OR1J2: variants seen among roughly 807,000 people sequenced by gnomAD.
The protein encoded by OR1J2 is olfactory receptor family 1 subfamily J member 2, also known as olfactory receptor 1J2.
For missense variants in OR1J2, 304 were observed against 246.1 expected, an observed-to-expected ratio of 1.24 and a Z score of -1.57; for synonymous variants, 142 against 99.7, an observed-to-expected ratio of 1.42 and a Z score of -2.52.
upstream of OR1J2, among the ~76,000 whole-genome samples, chr9:122,510,571 TGGTTTGCTGTA>T (rs1054666978): frequency 8.5e-5 from 13 of 152,050 alleles, no homozygotes; most frequent in African/African-American, 3.1e-4. Flanking sequence ...TGTGCCATGG[TGGTTTGCTGTA>T]CCTATCATCC....
chr9:122,568,261 A>G, the OR1J2 span: 1 of 1,614,104 alleles, frequency 6.2e-7, no homozygotes, highest in African/African-American at 1.3e-5. Context: ...GTTGTAAAGC[A>G]AATATCAGTG....
At chr9:122,460,658 G>A in the OR1J2 span, among the ~76,000 whole-genome samples, 1 of 152,062 alleles carries the variant, frequency 6.6e-6, no homozygotes, top group Non-Finnish European at 1.5e-5. Flanking sequence ...GAATGATGGT[G>A]TTATTTTAAT....
At chr9:122,448,240 C>T in the OR1J2 span, among the ~76,000 whole-genome samples, 39 of 152,212 alleles carry the variant, frequency 2.6e-4, no homozygotes, top group African/African-American at 8.7e-4. Context: ...AGGTACTATG[C>T]GTGGATATAC....
chr9:122,465,561 C>G, the OR1J2 span, among the ~76,000 whole-genome samples: 2 of 152,128 alleles, frequency 1.3e-5, no homozygotes, highest in African/African-American at 4.8e-5. Context: ...TTTGAGCTCC[C>G]CAAACTTGTT....
chr9:122,556,813 C>T, the OR1J2 span, among the ~76,000 whole-genome samples: 2 of 152,120 alleles, frequency 1.3e-5, no homozygotes, highest in Non-Finnish European at 2.9e-5. Context: ...TTGATTGAGG[C>T]TATGTTGAAT....
the OR1J2 span, among the ~76,000 whole-genome samples, chr9:122,463,006 C>T: frequency 5.9e-5 from 9 of 152,174 alleles, no homozygotes; most frequent in African/African-American, 1.9e-4. Context: ...CAATTATTCT[C>T]TCAAATATAT....
the OR1J2 span, among the ~76,000 whole-genome samples, chr9:122,579,029 T>TA: frequency 0.027 from 3,994 of 150,632 alleles, 124 homozygotes; most frequent in African/African-American, 0.072. Flanking sequence ...CCCAAAAACC[T>TA]ACTGAAATTA....
chr9:122,564,798 T>C, the OR1J2 span, among the ~76,000 whole-genome samples: 1 of 152,202 alleles, frequency 6.6e-6, no homozygotes, highest in African/African-American at 2.4e-5. Context: ...CAGCTTGCTT[T>C]CAGCTGGCAG....
chr9:122,567,835 T>C, the OR1J2 span: 1 of 1,614,078 alleles, frequency 6.2e-7, no homozygotes, highest in South Asian at 1.1e-5. Context: ...GAGAAAGCAA[T>C]GCAGAGAAAA....
At chr9:122,457,935 T>A in the OR1J2 span, among the ~76,000 whole-genome samples, 5 of 152,344 alleles carry the variant, frequency 3.3e-5, no homozygotes, top group African/African-American at 9.6e-5. Flanking sequence ...CATACATTTT[T>A]AATTTTTCTT....
chr9:122,523,201 G>T, the OR1J2 span, among the ~76,000 whole-genome samples: 1 of 152,190 alleles, frequency 6.6e-6, no homozygotes, highest in Admixed American at 6.5e-5. Flanking sequence ...GACAGAGTGG[G>T]CCAGGGCACT....
the OR1J2 span, among the ~76,000 whole-genome samples, chr9:122,544,273 T>C: frequency 6.6e-6 from 1 of 152,030 alleles, no homozygotes; most frequent in African/African-American, 2.4e-5. Context: ...GTTGTTGATA[T>C]TGATTTCGTT....
chr9:122,449,739 A>C, the OR1J2 span, among the ~76,000 whole-genome samples: 3 of 152,162 alleles, frequency 2.0e-5, no homozygotes. Context: ...ATTGCTGGTT[A>C]TCCAGTTACT....
chr9:122,511,690 A>G lies in OR1J2; in HGVS notation c.889A>G (p.Met297Val), dbSNP rs753566749. The change falls in exon 1 of 1, where the codon ATG becomes GTG. Residue 297 changes from methionine to valine, a missense_variant. By Grantham distance (21) the Met-to-Val change is conservative. Coordinates refer to ENST00000335302, the MANE Select transcript of OR1J2 (RefSeq NM_054107.1). ...TATCTACAGCCTTAGGAACAGGGACATGAAAGAGGCCCTTGGGAAACTCTT... is the reference window on the plus strand; with the variant it reads ...TATCTACAGCCTTAGGAACAGGGACGTGAAAGAGGCCCTTGGGAAACTCTT... ...PFIYSLRNRD[M>V]KEALGKLFSR... The G allele has an allele frequency of 1.3e-6, 1 of 781,072 alleles. No homozygotes were observed. Among genetic ancestry groups the G allele is most frequent in the South Asian group, 1.3e-5 (1 of 74,616 alleles). The allele number at this position is 781,072 out of a possible 1,614,324, so 48.4% of individuals were successfully genotyped here.
the OR1J2 span, among the ~76,000 whole-genome samples, chr9:122,574,154 G>T: frequency 6.6e-6 from 1 of 152,016 alleles, no homozygotes; most frequent in African/African-American, 2.4e-5. Flanking sequence ...CCTCCAGTTT[G>T]TTTTTCTCCT....
chr9:122,567,626 C>T, the OR1J2 span: 1 of 1,613,850 alleles, frequency 6.2e-7, no homozygotes, highest in Non-Finnish European at 8.5e-7. Context: ...AAGGATTGAG[C>T]ATGGATGACA....
At chr9:122,568,420 A>G in the OR1J2 span, 1 of 1,613,214 alleles carries the variant, frequency 6.2e-7, no homozygotes, top group Non-Finnish European at 8.5e-7. Context: ...TCAGGCCGGG[A>G]GGAGAGTCCC....
the OR1J2 span, among the ~76,000 whole-genome samples, chr9:122,579,047 AT>A: frequency 1.6e-4 from 24 of 152,218 alleles, no homozygotes; most frequent in African/African-American, 5.1e-4. Context: ...TTAAAAAAAA[AT>A]AGAAAGTCAT....
At chr9:122,571,671 G>A in the OR1J2 span, among the ~76,000 whole-genome samples, 2 of 150,086 alleles carry the variant, frequency 1.3e-5, no homozygotes, top group South Asian at 4.2e-4. Context: ...AGCCAAGATT[G>A]CACCACTGCA....
Sources: gnomAD v4.1 joint callset for allele counts (sites outside exome capture counted in the v4.1 genomes callset) on GRCh38, gnomAD v4.1.1 for gene constraint, MANE v1.5 for transcripts, NCBI Gene and HGNC (gene_info 2026-07-23, HGNC 2026-07-21) for gene names.